Variants in ERICH5 observed in about 807,000 individuals in gnomAD.
ERICH5 encodes the protein glutamate rich 5, also known as glutamate-rich protein 5.
A neutral mutation model predicts 28.0 loss-of-function variants in ERICH5; 24 were observed. The ratio of observed to expected loss-of-function variants is 0.86; its 90% CI spans 0.62 to 1.21. The LOEUF is 1.21. Ranked by LOEUF, ERICH5 falls within the 50% of genes most tolerant of loss-of-function variation. ERICH5 has a pLI of 0.00. For missense variants in ERICH5, 421 were observed against 441.2 expected (o/e 0.95, Z 0.41); for synonymous variants, 163 against 157.6 (o/e 1.03, Z -0.25).
intron 1 of ERICH5, among the ~76,000 whole-genome samples, chr8:98,076,059 G>A (rs899211830): frequency 8.7e-6 from 1 of 114,514 alleles, no homozygotes; most frequent in African/African-American, 3.7e-5. Flanking sequence ...AAGCATTTAC[G>A]CTTTTTGTGA....
In ERICH5 at chr8:98,089,533, A is replaced by C; in HGVS notation, c.516A>C (p.Ala172=). The change falls in exon 2 of 3, where the codon GCA becomes GCC. Residue 172 remains alanine (A), a synonymous_variant. Coordinates refer to ENST00000318528, the MANE Select transcript of ERICH5 (RefSeq NM_173549.3). ...QAAVEKDSLR[A]VEVTENPQTA... ...CAGTAGAGAAGGACTCTCTCAGAGCAGTGGAGGTCACTGAGAATCCACAAA... is the reference window on the plus strand; with the variant it reads ...CAGTAGAGAAGGACTCTCTCAGAGCCGTGGAGGTCACTGAGAATCCACAAA... 2 of 1,614,214 alleles carry C rather than the reference A, an allele frequency of 1.2e-6. No individual in the cohort carries two copies. Among genetic ancestry groups the C allele is most frequent in the Non-Finnish European group, 1.7e-6 (2 of 1,180,036 alleles).
intron 2 of ERICH5, among the ~76,000 whole-genome samples, chr8:98,091,898 TTCC>T (rs1474232107): frequency 1.4e-3 from 66 of 48,114 alleles, no homozygotes; most frequent in African/African-American, 4.6e-3. Flanking sequence ...CTTTCTTTCT[TTCC>T]TTTCTTTCTT....
At chr8:98,078,287 AG>A (rs1815097042) in intron 1 of ERICH5, among the ~76,000 whole-genome samples, 1 of 152,234 alleles carries the variant, frequency 6.6e-6, no homozygotes. Context: ...GCAAAAGCAA[AG>A]TAAGAAAATG....
intron 1 of ERICH5, among the ~76,000 whole-genome samples, chr8:98,071,364 A>G (rs1401697598): frequency 2.0e-5 from 3 of 152,260 alleles, no homozygotes; most frequent in East Asian, 3.8e-4. Context: ...ATGTTTTACA[A>G]TATCAAGTTG....
At chr8:98,074,934 G>A (rs547841522) in intron 1 of ERICH5, among the ~76,000 whole-genome samples, 78 of 152,234 alleles carry the variant, frequency 5.1e-4, no homozygotes, top group South Asian at 2.1e-3. Context: ...TAGTCATCAT[G>A]CCTCCTTCAG....
At chr8:98,084,804 T>G (rs1398145828) in intron 1 of ERICH5, among the ~76,000 whole-genome samples, 1 of 152,184 alleles carries the variant, frequency 6.6e-6, no homozygotes, top group South Asian at 2.1e-4. Context: ...TCACTTACAA[T>G]AAACTGTACA....
At chr8:98,069,006 C>T (rs1271608118) in intron 1 of ERICH5, among the ~76,000 whole-genome samples, 2 of 152,208 alleles carry the variant, frequency 1.3e-5, no homozygotes, top group African/African-American at 2.4e-5. Flanking sequence ...CACACTCTGA[C>T]ATCTAGTTAG....
chr8:98,084,053 ATT>A (rs11298792), intron 1 of ERICH5, among the ~76,000 whole-genome samples: 79 of 139,570 alleles, frequency 5.7e-4, no homozygotes, highest in Admixed American at 5.8e-4. Context: ...GCTAATTTTA[ATT>A]TTTTTTTTTT....
rs56076224 is a variant in ERICH5 at position 98,091,932 on chromosome 8, T to C, written c.1013-1289T>C. On this transcript the variant is annotated intron_variant, in intron 2 of 2. Coordinates refer to ENST00000318528, the MANE Select transcript of ERICH5 (RefSeq NM_173549.3). ...TTCTTTCTTTCTTCCTTTCTTTCTT[T>C]CTTCCTTTCTTTCTTTCTTCTTTCT... 6.4e-3 allele frequency among the ~76,000 whole-genome samples: 407 copies of C among 63,506 alleles called. 16 individuals carry two copies. Among genetic ancestry groups the C allele is most frequent in the African/African-American group, 0.025 (387 of 15,702 alleles). The allele number at this position is 63,506 out of a possible 152,430, so 41.7% of individuals were successfully genotyped here.
In ERICH5 at chr8:98,091,909, CT is replaced by C. The variant is rs1815406833; in HGVS notation, c.1013-1309del. 1.6e-3 allele frequency among the ~76,000 whole-genome samples: 133 copies of C among 82,954 alleles called. 1 individual carries two copies. The highest frequency in any genetic ancestry group is 6.0e-3 in the African/African-American group (122 of 20,218). 54.4% of individuals were successfully genotyped at this position (82,954 alleles called of 152,430 possible). Reference sequence around the variant, plus strand: ...CTTTCTTTCTTTCTTTCCTTTCTTTCTTTCTTTCTTCCTTTCTTTCTTTCTT... The same window carrying C: ...CTTTCTTTCTTTCTTTCCTTTCTTTCTTCTTTCTTCCTTTCTTTCTTTCTT... On this transcript the variant is annotated intron_variant, in intron 2 of 2. Coordinates refer to ENST00000318528, the MANE Select transcript of ERICH5 (RefSeq NM_173549.3).
chr8:98,079,804 T>G (rs1381937581), intron 1 of ERICH5, among the ~76,000 whole-genome samples: 1 of 152,154 alleles, frequency 6.6e-6, no homozygotes, highest in Non-Finnish European at 1.5e-5. Context: ...CCTCCCAAAG[T>G]GCTGGGATTA....
At chr8:98,091,946 T>TTCC (rs1815413476) in intron 2 of ERICH5, among the ~76,000 whole-genome samples, 1 of 27,040 alleles carries the variant, frequency 3.7e-5, no homozygotes, top group Non-Finnish European at 9.1e-5. Flanking sequence ...CCTTTCTTTC[T>TTCC]TTCTTCTTTC....
At chr8:98,073,703 C>T (rs1228908063) in intron 1 of ERICH5, among the ~76,000 whole-genome samples, 9 of 148,678 alleles carry the variant, frequency 6.1e-5, no homozygotes, top group Admixed American at 1.4e-4. Flanking sequence ...CCACCATGCC[C>T]GGCTAATTTT....
Position 98,089,835 on chromosome 8 carries a change from GA to G in ERICH5, c.820del (p.Ser274ValfsTer9). 1.2e-6 allele frequency: 2 copies of G among 1,614,200 alleles called. No individual in the cohort carries two copies. Among genetic ancestry groups the G allele is most frequent in the Non-Finnish European group, 1.7e-6 (2 of 1,180,044 alleles). On this transcript the variant is annotated frameshift_variant, in exon 2 of 3. Transcript: ENST00000318528. LOFTEE classifies it high-confidence loss of function. ...AATGTAACACCAGAAGTATTGGACA[GA>G]AGTCAGCTTGTGGAAAAGCCTGTTA... Reference protein sequence around the residue: ...KENVTPEVLDRSQLVEKPVMN... With the variant: ...KENVTPEVLDXSQLVEKPVMN...
intron 1 of ERICH5, among the ~76,000 whole-genome samples, chr8:98,072,575 T>C (rs1368845255): frequency 6.6e-6 from 1 of 152,084 alleles, no homozygotes; most frequent in Non-Finnish European, 1.5e-5. Flanking sequence ...GAGGTAGAGG[T>C]TGCAGTGAAC....
chr8:98,075,785 C>CTTTTT (rs1296283210), intron 1 of ERICH5, among the ~76,000 whole-genome samples: 6 of 81,638 alleles, frequency 7.3e-5, no homozygotes, highest in South Asian at 5.4e-4. Flanking sequence ...GCACACCTGC[C>CTTTTT]TTTTTTTTTT....
chr8:98,089,342 G>A lies in ERICH5; in HGVS notation c.325G>A (p.Gly109Arg). 6.2e-7 allele frequency: 1 copy of A among 1,614,242 alleles called. No homozygotes were observed. ...GSTEKTQPGE[G>R]LEESGPPQPG... ...CACAGAAAAGACTCAGCCTGGAGAG[G>A]GACTGGAGGAATCTGGGCCGCCTCA... The change falls in exon 2 of 3, where the codon GGA becomes AGA. Residue 109 changes from glycine to arginine, a missense_variant. By Grantham distance (125) the Gly-to-Arg change is moderately radical. Transcript: ENST00000318528.
chr8:98,078,272 T>C (rs1243024349), intron 1 of ERICH5, among the ~76,000 whole-genome samples: 2 of 152,172 alleles, frequency 1.3e-5, no homozygotes, highest in Non-Finnish European at 2.9e-5. Context: ...TAGAATGGAA[T>C]TAAGGCAAAA....
chr8:98,091,291 G>A (rs566509268), intron 2 of ERICH5, among the ~76,000 whole-genome samples: 11 of 152,254 alleles, frequency 7.2e-5, no homozygotes, highest in South Asian at 2.1e-4. Flanking sequence ...TATGCTAGGT[G>A]CTGAGATGCA....
Sources: gnomAD v4.1 joint callset for allele counts (sites outside exome capture counted in the v4.1 genomes callset) on GRCh38, gnomAD v4.1.1 for gene constraint, MANE v1.5 for transcripts, NCBI Gene and HGNC (gene_info 2026-07-23, HGNC 2026-07-21) for gene names.